PCED1A: variants seen among roughly 807,000 people sequenced by gnomAD.
The protein encoded by PCED1A is PC-esterase domain-containing protein 1A.
Under a neutral mutation model 41.9 loss-of-function variants are expected in PCED1A, and 20 were observed. That is an observed-to-expected ratio of 0.48 (90% CI 0.34 to 0.69). PCED1A has a LOEUF of 0.69. Ranked by LOEUF, PCED1A falls within the 30% of genes least tolerant of loss-of-function variation. PCED1A has a pLI of 0.01. For missense variants in PCED1A, 498 were observed against 602.1 expected (o/e 0.83, Z 1.81); for synonymous variants, 236 against 241.3 (o/e 0.98, Z 0.20).
rs1387848056 is a variant in PCED1A, at chr20:2,840,618, T to C, written c.-429A>G. 1.3e-6 allele frequency: 1 copy of C among 782,426 alleles called. No individual in the cohort carries two copies. The highest frequency in any genetic ancestry group is 1.8e-5 in the African/African-American group (1 of 56,900). 48.5% of individuals were successfully genotyped at this position (782,426 alleles called of 1,614,324 possible). A position where few individuals can be genotyped will look rare whatever the true frequency, so the allele number is the denominator to read the frequency against. On this transcript the variant is annotated 5_prime_UTR_variant, in exon 1 of 8. Transcript: ENST00000360652. ...CGCGAAGCCCAGGTACGGGCTGGGG[T>C]CTCGGGGCGGCAGCCAAGTGAGGCT...
chr20:2,836,436 C>A, intron 6 of PCED1A, 122 bp from the exon 7 acceptor site: 1 of 862,022 alleles, frequency 1.2e-6, no homozygotes, highest in Non-Finnish European at 1.9e-6. Flanking sequence ...GCTGGAGCAT[C>A]CTTGCCCTCT....
chr20:2,839,082 C>G lies in PCED1A; in HGVS notation c.205G>C (p.Gly69Arg). The change falls in exon 4 of 8, where the codon GGG (glycine) becomes CGG (arginine). Residue 69 changes from glycine to arginine, a missense_variant and splice_region_variant. By Grantham distance (125) the Gly-to-Arg change is moderately radical. Around this residue, in one of 2 missense-constraint regions of PCED1A, gnomAD observed 253 missense variants for 369.7 expected, o/e 0.68. Transcript: ENST00000360652. ...TGGTCCTGTTCAAAGCTCAGCTCCC[C>G]CTACCCACCCCCCCCACCCTACTGG... ...LLTAAQLKAK[G>R]ELSFEQDQLV... 2 of 1,588,562 alleles carry G rather than the reference C, an allele frequency of 1.3e-6. No individual in the cohort carries two copies. The highest frequency in any genetic ancestry group is 1.7e-6 in the Non-Finnish European group (2 of 1,169,614).
chr20:2,840,639 A>T lies in PCED1A; in HGVS notation c.-450T>A. On this transcript the variant is annotated 5_prime_UTR_variant, in exon 1 of 8. Coordinates refer to ENST00000360652, the MANE Select transcript of PCED1A (RefSeq NM_022760.6). ...GGGGTCTCGGGGCGGCAGCCAAGTG[A>T]GGCTGCCCACAGTGGTGATGGCCGC... 1 of 956,992 alleles carries T rather than the reference A, an allele frequency of 1.0e-6. No individual in the cohort carries two copies. Among genetic ancestry groups the T allele is most frequent in the South Asian group, 1.4e-5 (1 of 69,610 alleles). The allele number at this position is 956,992 out of a possible 1,614,324, so 59.3% of individuals were successfully genotyped here. A position where few individuals can be genotyped will look rare whatever the true frequency, so the allele number is the denominator to read the frequency against.
Position 2,839,175 on chromosome 20 carries a change from C to A in PCED1A, c.204+17G>T, listed in dbSNP as rs370508727. ...TGTGCCCACCCACCACTGACATGGC[C>A]ACCAAGCTTCCCTCACCTTGGCTTT... On this transcript the variant is annotated intron_variant, in intron 3 of 7. Coordinates refer to ENST00000360652, the MANE Select transcript of PCED1A (RefSeq NM_022760.6). 1 of 1,610,844 alleles carries A rather than the reference C, an allele frequency of 6.2e-7. No individual in the cohort carries two copies. The highest frequency in any genetic ancestry group is 8.5e-7 in the Non-Finnish European group (1 of 1,179,132).
intron 2 of PCED1A, among the ~76,000 whole-genome samples, chr20:2,839,538 CT>C (rs1568617659): frequency 6.6e-6 from 1 of 152,194 alleles, no homozygotes; most frequent in Non-Finnish European, 1.5e-5. Context: ...CAATGCAACG[CT>C]TTCGTGATGG....
At position 2,839,014 on chromosome 20, in the gene PCED1A, T is replaced by C. The variant is rs1316796331; in HGVS notation, c.273A>G (p.Thr91=). ...AGAACTGGCGGACCTCACGATACTG[T>C]GTCCCGTTGTGCAGCTCGCCCAGCT... is the stretch of plus-strand genomic sequence containing the variant. ...GGQLGELHNG[T]QYREVRQFCS... is the part of the protein sequence containing the mutation. The change falls in exon 4 of 8, where the codon ACA becomes ACG. Residue 91 remains threonine (T), a synonymous_variant. Coordinates refer to ENST00000360652, the MANE Select transcript of PCED1A (RefSeq NM_022760.6). 2 of 1,613,824 alleles carry C rather than the reference T, an allele frequency of 1.2e-6. No homozygotes were observed. Among genetic ancestry groups the C allele is most frequent in the South Asian group, 1.1e-5 (1 of 91,084 alleles).
intron 2 of PCED1A, 102 bp downstream of exon 2, chr20:2,839,687 A>G: frequency 6.6e-7 from 1 of 1,521,636 alleles, no homozygotes; most frequent in Non-Finnish European, 8.9e-7. Flanking sequence ...GGAACAGACC[A>G]GAAGACAGAC....
At chr20:2,840,977 C>T, upstream of PCED1A, 1 of 731,324 alleles carries the variant, frequency 1.4e-6, no homozygotes, top group South Asian at 1.9e-5. Context: ...AGCGCACAGC[C>T]GCCTTTGGGC....
chr20:2,836,002 A>C (rs2088822483), intron 7 of PCED1A, 37 bp downstream of exon 7: 2 of 1,458,066 alleles, frequency 1.4e-6, no homozygotes, highest in African/African-American at 1.4e-5. Context: ...GGGTAAGGGG[A>C]GGTACAAGAG....
At position 2,839,096 on chromosome 20, in the gene PCED1A, C is replaced by A. The variant is rs758201018; in HGVS notation, c.205-14G>T. The A allele has an allele frequency of 2.5e-6, 4 of 1,602,352 alleles. No homozygotes were observed. Among genetic ancestry groups the A allele is most frequent in the East Asian group, 2.3e-5 (1 of 44,260 alleles). On this transcript the variant is annotated splice_polypyrimidine_tract_variant and intron_variant, in intron 3 of 7. Transcript: ENST00000360652. The stretch of plus-strand genomic sequence containing the variant: ...GCTCAGCTCCCCCTACCCACCCCCC[C>A]CACCCTACTGGTCAGACCCATGCCA...
chr20:2,835,701 G>A lies in PCED1A; in HGVS notation c.1126C>T (p.Pro376Ser), dbSNP rs374163244. The A allele has an allele frequency of 3.2e-6, 5 of 1,551,516 alleles. No individual in the cohort carries two copies. In the African/African-American group the frequency reaches 6.8e-5, roughly 21 times the overall value. Residue 376 changes from proline to serine, a missense_variant, in exon 8 of 8, where the codon CCT (proline) becomes TCT (serine). Physicochemically the swap from Pro to Ser is moderately conservative, Grantham distance 74 (BLOSUM62 -1). Transcript: ENST00000360652. ...GGGCCAGGCACAAAGTTCACTCCAG[G>A]GCCACATCCTACAAAAGAACCAGTC... ...FSMPPHLGCGPGVNFVPGPLP... is the reference protein window; with the variant it reads ...FSMPPHLGCGSGVNFVPGPLP...
In PCED1A at chr20:2,835,359, C is replaced by T. The variant is rs1413209901; in HGVS notation, c.*103G>A. 38 of 1,403,492 alleles carry T rather than the reference C, an allele frequency of 2.7e-5. No homozygotes were observed. In the Middle Eastern group the frequency reaches 1.3e-3, roughly 48 times the overall value. The allele number at this position is 1,403,492 out of a possible 1,614,324, so 86.9% of individuals were successfully genotyped here. A position where few individuals can be genotyped will look rare whatever the true frequency, so the allele number is the denominator to read the frequency against. On this transcript the variant is annotated 3_prime_UTR_variant, in exon 8 of 8. Transcript: ENST00000360652. ...TGCCTTTATTGGTGACAGCAATGGACAAGAACAATACCAGGCATAGCAGAC... is the reference window on the plus strand; with the variant it reads ...TGCCTTTATTGGTGACAGCAATGGATAAGAACAATACCAGGCATAGCAGAC...
Position 2,836,091 on chromosome 20 carries a change from A to G in PCED1A, c.1065T>C (p.His355=), listed in dbSNP as rs2088826030. Residue 355 remains histidine (H), a synonymous_variant, in exon 7 of 8, where the codon CAT becomes CAC. Coordinates refer to ENST00000360652, the MANE Select transcript of PCED1A (RefSeq NM_022760.6). The stretch of plus-strand genomic sequence containing the variant: ...CCACTGGATTATAGTTGAAGAATTC[A>G]TGGGGTGGGAAGGGCTGGCCTGGGA... ...PFFPGQPFPP[H]EFFNYNPVED... The G allele has an allele frequency of 1.5e-6, 2 of 1,294,400 alleles. No homozygotes were observed. The highest frequency in any genetic ancestry group is 2.0e-6 in the Non-Finnish European group (2 of 986,130). 80.2% of individuals were successfully genotyped at this position (1,294,400 alleles called of 1,614,324 possible).
rs766478846 is a variant in PCED1A, at chr20:2,838,597, T to C, written c.593A>G (p.Glu198Gly). ...TCCTGATGGGCCTCAGTCACTTGCCTCTGGCAGGAGGAAACCCCCAGTGAT... is the reference window on the plus strand; with the variant it reads ...TCCTGATGGGCCTCAGTCACTTGCCCCTGGCAGGAGGAAACCCCCAGTGAT... ...ERITGGFLLP[E>G]LQPLAGSLRR... Residue 198 changes from glutamate to glycine, a missense_variant and splice_region_variant, in exon 5 of 8, where the codon GAG becomes GGG. Glu to Gly is a moderately conservative substitution (Grantham distance 98). Around this residue, in one of 2 missense-constraint regions of PCED1A, gnomAD observed 253 missense variants for 369.7 expected, o/e 0.68. Transcript: ENST00000360652. The surrounding 1 kb of genome is among the most constrained non-coding windows in gnomAD (Gnocchi z 5.8). 4.3e-6 allele frequency: 7 copies of C among 1,614,088 alleles called. No homozygotes were observed. The Admixed American group carries it at 1.2e-4, about 27-fold the overall frequency.
Position 2,835,466 on chromosome 20 carries a change from C to T in PCED1A, c.1361G>A (p.Gly454Glu). The stretch of plus-strand genomic sequence containing the variant: ...AGTCCCAGCCCAAGATCCAGTCTAC[C>T]CAGGCCATGTCCCCGAATGGGCAGG... ...RPPAHSGTWP[G>E] Residue 454 changes from glycine to glutamate, a missense_variant, in exon 8 of 8, where the codon GGG (glycine) becomes GAG (glutamate). Coordinates refer to ENST00000360652, the MANE Select transcript of PCED1A (RefSeq NM_022760.6). 6.2e-7 allele frequency: 1 copy of T among 1,608,216 alleles called. No homozygotes were observed. Among genetic ancestry groups the T allele is most frequent in the East Asian group, 2.2e-5 (1 of 44,744 alleles).
At chr20:2,840,002 C>T (rs1030000847) in intron 1 of PCED1A, 69 bp from the exon 2 acceptor site, 1 of 1,460,804 alleles carries the variant, frequency 6.8e-7, no homozygotes, top group Non-Finnish European at 9.1e-7. Context: ...GGGCTAGCCC[C>T]TCCGGGGCTG....
In PCED1A at chr20:2,839,020, G is replaced by A. The variant is rs752512694; in HGVS notation, c.267C>T (p.Asn89=). ...VAGGQLGELH[N]GTQYREVRQF... ...GGCGGACCTCACGATACTGTGTCCC[G>A]TTGTGCAGCTCGCCCAGCTGGCCCC... The change falls in exon 4 of 8, where the codon AAC becomes AAT. Residue 89 remains asparagine, a synonymous_variant. Coordinates refer to ENST00000360652, the MANE Select transcript of PCED1A (RefSeq NM_022760.6). 5.6e-6 allele frequency: 9 copies of A among 1,613,802 alleles called. No homozygotes were observed. The highest frequency in any genetic ancestry group is 2.2e-5 in the East Asian group (1 of 44,882).
upstream of PCED1A, chr20:2,840,872 C>A: frequency 6.6e-7 from 1 of 1,512,928 alleles, no homozygotes; most frequent in East Asian, 2.5e-5. Flanking sequence ...TTACCCTGCT[C>A]GCCCGCCGGC....
chr20:2,838,277 C>A lies in PCED1A; in HGVS notation c.796G>T (p.Ala266Ser). The change falls in exon 6 of 8, where the codon GCT (alanine) becomes TCT (serine). Residue 266 changes from alanine to serine, a missense_variant. Transcript: ENST00000360652. This position sits in a 1 kb window ranked among gnomAD's most constrained non-coding sequence, Gnocchi z 5.8. Reference protein sequence around the residue: ...HLSHLLLTHVADAWGVELPKR... With the variant: ...HLSHLLLTHVSDAWGVELPKR... ...GGCAGCTCCACGCCCCAGGCGTCAG[C>A]CACATGGGTCAGAAGCAGGTGTGAG... The A allele has an allele frequency of 1.2e-6, 2 of 1,614,244 alleles. No individual in the cohort carries two copies. The highest frequency in any genetic ancestry group is 2.2e-5 in the South Asian group (2 of 91,090).
Sources: allele counts gnomAD v4.1 joint callset (sites outside exome capture counted in the v4.1 genomes callset), GRCh38; gene constraint gnomAD v4.1.1; regional missense constraint gnomAD v4.1.1; non-coding constraint Gnocchi (gnomAD v3.1); transcripts MANE v1.5; gene names NCBI Gene and HGNC (gene_info 2026-07-23, HGNC 2026-07-21).